The following GNB4 variants were observed in gnomAD, a reference collection of about 807,000 sequenced individuals.
GNB4 encodes G protein subunit beta 4, also known as guanine nucleotide-binding protein subunit beta-4.
Under a neutral mutation model 45.2 loss-of-function variants are expected in GNB4, and 28 were observed. The ratio of observed to expected loss-of-function variants is 0.62; its 90% confidence interval spans 0.46 to 0.85. GNB4 has a LOEUF of 0.85. GNB4 is among the 40% of genes least tolerant of loss of function. The pLI, the probability that GNB4 is intolerant of heterozygous loss-of-function variation, is 0.00. For missense variants in GNB4, 321 were observed against 425.4 expected (o/e 0.75, Z 2.16); for synonymous variants, 132 against 143.7 (o/e 0.92, Z 0.58).
chr3:179,502,294 C>G, the GNB4 span, among the ~76,000 whole-genome samples: 2 of 127,980 alleles, frequency 1.6e-5, no homozygotes. Context: ...AGTGCAGTGT[C>G]ACCATCTCGG....
chr3:179,480,016 C>T, the GNB4 span, among the ~76,000 whole-genome samples: 1 of 152,214 alleles, frequency 6.6e-6, no homozygotes, highest in African/African-American at 2.4e-5. Context: ...GATCGACTCT[C>T]ATGAATGGAT....
intron 4 of GNB4, 45 bp from the exon 5 acceptor site, chr3:179,416,601 A>C (rs757372459): frequency 9.1e-6 from 11 of 1,210,506 alleles, no homozygotes; most frequent in Non-Finnish European, 1.3e-5. Context: ...AGAGGGAAAA[A>C]ATAGCTTAAA....
intron 8 of GNB4, among the ~76,000 whole-genome samples, chr3:179,406,954 C>T (rs1714491567): frequency 6.6e-6 from 1 of 152,116 alleles, no homozygotes; most frequent in African/African-American, 2.4e-5. Flanking sequence ...TCATAAGACC[C>T]TTGGACCTTC....
chr3:179,518,666 A>G, the GNB4 span, among the ~76,000 whole-genome samples: 4 of 152,236 alleles, frequency 2.6e-5, no homozygotes, highest in East Asian at 7.7e-4. Flanking sequence ...TTCCTCTTAA[A>G]AAGGTGGCTG....
chr3:179,514,939 A>C, the GNB4 span, among the ~76,000 whole-genome samples: 1 of 152,232 alleles, frequency 6.6e-6, no homozygotes, highest in East Asian at 1.9e-4. Context: ...GAATGGCCAC[A>C]TCTTAAAATG....
intron 6 of GNB4, 128 bp downstream of exon 6, chr3:179,414,757 A>C (rs1577028988): frequency 1.6e-6 from 1 of 615,816 alleles, no homozygotes; most frequent in African/African-American, 1.9e-5. Flanking sequence ...CTTTGTTCAT[A>C]ATAATTTCAT....
the GNB4 span, among the ~76,000 whole-genome samples, chr3:179,468,152 T>C: frequency 6.7e-6 from 1 of 148,780 alleles, no homozygotes. Flanking sequence ...GAGCTATAAT[T>C]GTGCCACTGC....
intron 8 of GNB4, among the ~76,000 whole-genome samples, chr3:179,411,776 A>T (rs1198661099): frequency 6.6e-6 from 1 of 152,212 alleles, no homozygotes; most frequent in Non-Finnish European, 1.5e-5. Context: ...AAAATCATGT[A>T]AAAAAAGTGA....
chr3:179,519,924 A>G, the GNB4 span, among the ~76,000 whole-genome samples: 1 of 152,174 alleles, frequency 6.6e-6, no homozygotes, highest in Non-Finnish European at 1.5e-5. Context: ...TTTAAAGCCT[A>G]TAAACTCCCT....
intron 4 of GNB4, among the ~76,000 whole-genome samples, chr3:179,418,489 GAAAAA>G (rs1172785195): frequency 7.4e-6 from 1 of 134,242 alleles, no homozygotes; most frequent in Non-Finnish European, 1.6e-5. Context: ...AAAAAAAAAA[GAAAAA>G]AGAAAAGAAA....
chr3:179,484,578 C>T, the GNB4 span, among the ~76,000 whole-genome samples: 1 of 143,926 alleles, frequency 6.9e-6, no homozygotes, highest in Admixed American at 7.3e-5. Context: ...GTCCCTTTGC[C>T]ATCTGTATAG....
chr3:179,408,472 A>C (rs577913981), intron 8 of GNB4, among the ~76,000 whole-genome samples: 16 of 152,314 alleles, frequency 1.1e-4, no homozygotes, highest in African/African-American at 3.6e-4. Context: ...TCTCCAAAGG[A>C]AGGAAGAGAG....
chr3:179,499,797 G>T, the GNB4 span, among the ~76,000 whole-genome samples: 1 of 151,884 alleles, frequency 6.6e-6, no homozygotes, highest in Non-Finnish European at 1.5e-5. Flanking sequence ...ACTGGTGTGA[G>T]ATGTGGTTTT....
At chr3:179,509,826 T>C in the GNB4 span, among the ~76,000 whole-genome samples, 1 of 152,044 alleles carries the variant, frequency 6.6e-6, no homozygotes, top group African/African-American at 2.4e-5. Context: ...AATACAGAAT[T>C]CTGACTTCAG....
the GNB4 span, among the ~76,000 whole-genome samples, chr3:179,524,857 G>C: frequency 2.6e-5 from 4 of 152,118 alleles, no homozygotes; most frequent in Admixed American, 2.6e-4. Flanking sequence ...GAAATTATTG[G>C]GCAGGTGGGG....
At chr3:179,441,855 G>C (rs1350740691) in intron 1 of GNB4, among the ~76,000 whole-genome samples, 1 of 151,958 alleles carries the variant, frequency 6.6e-6, no homozygotes, top group African/African-American at 2.4e-5. Flanking sequence ...GCCCAGGCTG[G>C]AGTGCAGTGG....
intron 2 of GNB4, among the ~76,000 whole-genome samples, chr3:179,422,011 A>T (rs1412479438): frequency 6.6e-6 from 1 of 152,226 alleles, no homozygotes; most frequent in Non-Finnish European, 1.5e-5. Flanking sequence ...ATGAACCATC[A>T]TTGTTTAGAC....
the GNB4 span, among the ~76,000 whole-genome samples, chr3:179,516,552 G>A: frequency 6.6e-6 from 1 of 152,206 alleles, no homozygotes; most frequent in South Asian, 2.1e-4. Context: ...AGCAGTAGTA[G>A]AATAGCAGAT....
At chr3:179,483,336 A>G in the GNB4 span, among the ~76,000 whole-genome samples, 1 of 151,998 alleles carries the variant, frequency 6.6e-6, no homozygotes, top group Non-Finnish European at 1.5e-5. Context: ...ACTTATAATT[A>G]AACTATATAT....
Sources: allele counts gnomAD v4.1 joint callset (sites outside exome capture counted in the v4.1 genomes callset), GRCh38; gene constraint gnomAD v4.1.1; transcripts MANE v1.5; gene names NCBI Gene and HGNC (gene_info 2026-07-23, HGNC 2026-07-21).